Variants in XKR9 observed in about 807,000 individuals in gnomAD.
XKR9 encodes the protein XK related 9, also known as XK-related protein 9.
Under a neutral mutation model 32.0 loss-of-function variants are expected in XKR9, and 32 were observed. The observed-to-expected ratio is 1.00, with a 90% CI of 0.76 to 1.34. The LOEUF (loss-of-function observed/expected upper bound fraction) is 1.34, where lower values mean the gene tolerates loss of function less well. Among genes scored for constraint, XKR9 ranks in the 40% most tolerant of loss-of-function variants. The pLI, the probability that XKR9 is intolerant of heterozygous loss-of-function variation, is 0.00. For synonymous variants in XKR9, 168 were observed against 143.4 expected (o/e 1.17, Z -1.22); for missense variants, 546 against 429.7 (o/e 1.27, Z -2.39).
intron 3 of XKR9, among the ~76,000 whole-genome samples, chr8:70,700,960 A>G (rs537428885): frequency 6.6e-6 from 1 of 152,328 alleles, no homozygotes; most frequent in Admixed American, 6.5e-5. Flanking sequence ...GCAATCAGCG[A>G]GACTCCGTGG....
At chr8:71,000,922 A>G in the XKR9 span, among the ~76,000 whole-genome samples, 1 of 152,240 alleles carries the variant, frequency 6.6e-6, no homozygotes, top group Non-Finnish European at 1.5e-5. Context: ...TGGAAGGGTA[A>G]CAAGAGTTAG....
chr8:70,812,328 C>G, the XKR9 span, among the ~76,000 whole-genome samples: 1 of 152,182 alleles, frequency 6.6e-6, no homozygotes, highest in Non-Finnish European at 1.5e-5. Context: ...AACCCACAGC[C>G]AATATCAGAC....
chr8:70,724,231 C>G (rs1806382224), intron 4 of XKR9, among the ~76,000 whole-genome samples: 1 of 152,136 alleles, frequency 6.6e-6, no homozygotes, highest in Non-Finnish European at 1.5e-5. Flanking sequence ...ACGCCTCTCC[C>G]TGCACCAAGC....
the XKR9 span, among the ~76,000 whole-genome samples, chr8:70,935,421 A>G: frequency 4.0e-5 from 6 of 151,820 alleles, no homozygotes; most frequent in African/African-American, 1.2e-4. Context: ...CTTGCCAGGT[A>G]TGCATATTTT....
At chr8:71,002,755 A>G in the XKR9 span, among the ~76,000 whole-genome samples, 1 of 152,260 alleles carries the variant, frequency 6.6e-6, no homozygotes, top group African/African-American at 2.4e-5. Flanking sequence ...ACATGGAAAC[A>G]TAAACACTGG....
At chr8:70,832,991 T>C in the XKR9 span, among the ~76,000 whole-genome samples, 2 of 152,208 alleles carry the variant, frequency 1.3e-5, no homozygotes, top group African/African-American at 2.4e-5. Context: ...AATGAGCGAG[T>C]TAATAAAATC....
chr8:70,681,268 A>C lies in XKR9; in HGVS notation c.210A>C (p.Ala70=). The C allele has an allele frequency of 6.2e-7, 1 of 1,613,456 alleles. No homozygotes were observed. Among genetic ancestry groups the C allele is most frequent in the Middle Eastern group, 1.7e-4 (1 of 6,056 alleles). Residue 70 remains alanine, a synonymous_variant, in exon 3 of 5, where the codon GCA becomes GCC. Coordinates refer to ENST00000408926, the MANE Select transcript of XKR9 (RefSeq NM_001011720.2). ...GGTTCAAGGCTGATTTAAAGAAAGCAGGCCAAGAAAGTCAGCATTGTTTTC... is the reference window on the plus strand; with the variant it reads ...GGTTCAAGGCTGATTTAAAGAAAGCCGGCCAAGAAAGTCAGCATTGTTTTC... ...YSWFKADLKK[A]GQESQHCFLL...
the XKR9 span, among the ~76,000 whole-genome samples, chr8:70,978,739 CTG>C: frequency 6.6e-6 from 1 of 152,088 alleles, no homozygotes; most frequent in Non-Finnish European, 1.5e-5. Context: ...GGAGGAGTAT[CTG>C]TGTGGTATTC....
At chr8:70,991,841 A>G in the XKR9 span, among the ~76,000 whole-genome samples, 4 of 152,198 alleles carry the variant, frequency 2.6e-5, no homozygotes, top group East Asian at 5.8e-4. Flanking sequence ...CTTTTGTGTC[A>G]TGATTGGTAG....
At chr8:70,736,370 C>T (rs1180918560), downstream of XKR9, among the ~76,000 whole-genome samples, 1 of 151,964 alleles carries the variant, frequency 6.6e-6, no homozygotes, top group Admixed American at 6.6e-5. Context: ...GATATTAGCC[C>T]TTTGTCAGAT....
rs1178523620 is a variant in XKR9 at position 70,758,896 on chromosome 8, G to C, written n.353-30443G>C. ...CTGGCCCTTTACATGGAGCTGCCTG[G>C]TTGGTTTAGAGGCAGTCTCTAATGT... On this transcript the variant is annotated intron_variant and non_coding_transcript_variant, in intron 2 of 3. Transcript: ENST00000520273. 2.0e-5 allele frequency among the ~76,000 whole-genome samples: 3 copies of C among 152,294 alleles called. No individual in the cohort carries two copies. In the East Asian group the frequency reaches 5.8e-4, roughly 29 times the overall value.
At chr8:70,790,838 C>A (rs1299356230), downstream of XKR9, among the ~76,000 whole-genome samples, 3 of 152,000 alleles carry the variant, frequency 2.0e-5, no homozygotes, top group Admixed American at 2.0e-4. Context: ...AGTTCTGGAA[C>A]TGGAAAATCA....
the XKR9 span, among the ~76,000 whole-genome samples, chr8:70,916,264 G>A: frequency 6.6e-6 from 1 of 152,164 alleles, no homozygotes; most frequent in South Asian, 2.1e-4. Flanking sequence ...TGCTCTGCAT[G>A]TTAAAATTAA....
At chr8:70,822,877 G>C in the XKR9 span, among the ~76,000 whole-genome samples, 1 of 152,096 alleles carries the variant, frequency 6.6e-6, no homozygotes, top group Non-Finnish European at 1.5e-5. Flanking sequence ...GATAAACAGA[G>C]ACTGAAGTTT....
chr8:70,823,504 A>C, the XKR9 span, among the ~76,000 whole-genome samples: 3 of 152,066 alleles, frequency 2.0e-5, no homozygotes, highest in Non-Finnish European at 2.9e-5. Context: ...TCTGAGATAC[A>C]CTCTATCTTT....
At chr8:70,717,720 C>G (rs62530816) in intron 4 of XKR9, among the ~76,000 whole-genome samples, 9,593 of 152,254 alleles carry the variant, frequency 0.063, 440 homozygotes, top group Non-Finnish European at 0.089. Context: ...TTCCCATTGT[C>G]CTGGTGATTA....
chr8:70,755,279 G>A (rs1310210450), intron 2 of XKR9, among the ~76,000 whole-genome samples: 1 of 152,146 alleles, frequency 6.6e-6, no homozygotes, highest in Non-Finnish European at 1.5e-5. Context: ...GAGAGGATGT[G>A]GAGAAATAGG....
At chr8:70,798,024 G>A in the XKR9 span, among the ~76,000 whole-genome samples, 26 of 152,318 alleles carry the variant, frequency 1.7e-4, no homozygotes, top group African/African-American at 6.0e-4. Context: ...ATAAGTGCAT[G>A]TGTCTTTATG....
At chr8:70,997,544 A>G in the XKR9 span, among the ~76,000 whole-genome samples, 36 of 151,128 alleles carry the variant, frequency 2.4e-4, no homozygotes, top group Middle Eastern at 3.2e-3. Flanking sequence ...GTTCTCACTC[A>G]TAAGTGAGAG....
Sources: gnomAD v4.1 joint callset for allele counts (sites outside exome capture counted in the v4.1 genomes callset) on GRCh38, gnomAD v4.1.1 for gene constraint, MANE v1.5 for transcripts, NCBI Gene and HGNC (gene_info 2026-07-23, HGNC 2026-07-21) for gene names.